GLIS1: variants seen among roughly 807,000 people sequenced by gnomAD.
The protein encoded by GLIS1 is GLIS family zinc finger 1, also known as zinc finger protein GLIS1.
In GLIS1, 24 loss-of-function variants were observed where a neutral mutation model predicts 63.8. That is an observed-to-expected ratio of 0.38 (90% CI 0.27 to 0.53). GLIS1 has a LOEUF of 0.53. Ranked by LOEUF, GLIS1 falls within the 20% of genes least tolerant of loss-of-function variation. The pLI is 0.85. For missense variants in GLIS1, 1,036 were observed against 1,074.1 expected, an observed-to-expected ratio of 0.96 and a Z score of 0.50; for synonymous variants, 450 against 482.5, an observed-to-expected ratio of 0.93 and a Z score of 0.88.
chr1:53,689,810 C>T (rs1340378002), intron 2 of GLIS1, among the ~76,000 whole-genome samples: 1 of 152,180 alleles, frequency 6.6e-6, no homozygotes, highest in Non-Finnish European at 1.5e-5. Context: ...CCATTACTGG[C>T]CCCTGCAGAT....
chr1:53,720,880 C>G (rs1327456593), intron 2 of GLIS1, among the ~76,000 whole-genome samples: 3 of 152,008 alleles, frequency 2.0e-5, no homozygotes, highest in Non-Finnish European at 2.9e-5. Context: ...AGTCTGTAGT[C>G]CCAGCTACCT....
intron 4 of GLIS1, among the ~76,000 whole-genome samples, chr1:53,569,195 C>A (rs1644961328): frequency 6.6e-6 from 1 of 152,170 alleles, no homozygotes; most frequent in Non-Finnish European, 1.5e-5. Context: ...AGCAGAAAAA[C>A]TATTGTGTGT....
At chr1:53,605,624 C>G (rs538199735) in intron 2 of GLIS1, among the ~76,000 whole-genome samples, 121 of 152,348 alleles carry the variant, frequency 7.9e-4, no homozygotes, top group African/African-American at 2.7e-3. Flanking sequence ...ACCTCCCCTA[C>G]GAGCCTGAGA....
chr1:53,590,978 C>A (rs3013758), intron 4 of GLIS1, among the ~76,000 whole-genome samples: 7,399 of 152,216 alleles, frequency 0.049, 563 homozygotes, highest in East Asian at 0.39. Flanking sequence ...GGGAGTGTTC[C>A]AGTGGGATGG....
At chr1:53,694,393 C>T (rs1461249810) in intron 2 of GLIS1, among the ~76,000 whole-genome samples, 1 of 152,236 alleles carries the variant, frequency 6.6e-6, no homozygotes, top group Non-Finnish European at 1.5e-5. Flanking sequence ...TCCTCACTCC[C>T]TTTCTGCGAG....
At position 53,553,711 on chromosome 1, in the gene GLIS1, C is replaced by T. The variant is rs983102892; in HGVS notation, c.1321-23759G>A. Among the ~76,000 whole-genome samples the T allele has an allele frequency of 2.0e-5, 3 of 151,936 alleles. No individual in the cohort carries two copies. In the East Asian group the frequency reaches 5.8e-4, roughly 29 times the overall value. Reference sequence around the variant, plus strand: ...CCTCTCTGAAGAGCTGGCATTCAAGCAGAGAAATCAAGGATTCTCATCCTT... The same window carrying T: ...CCTCTCTGAAGAGCTGGCATTCAAGTAGAGAAATCAAGGATTCTCATCCTT... On this transcript the variant is annotated intron_variant, in intron 4 of 10. Transcript: ENST00000628545.
intron 4 of GLIS1, among the ~76,000 whole-genome samples, chr1:53,567,146 G>T (rs1246401252): frequency 6.6e-6 from 1 of 152,242 alleles, no homozygotes; most frequent in African/African-American, 2.4e-5. Context: ...AGTCAAGGCT[G>T]AGATGGTCTC....
At chr1:53,600,069 A>C in intron 3 of GLIS1, 32 bp downstream of exon 3, 2 of 1,179,798 alleles carry the variant, frequency 1.7e-6, no homozygotes, top group Non-Finnish European at 2.1e-6. Context: ...GCCTCCTGGG[A>C]GTGTCCACAG....
intron 2 of GLIS1, among the ~76,000 whole-genome samples, chr1:53,612,163 T>A (rs1453211336): frequency 6.6e-6 from 1 of 152,224 alleles, no homozygotes. Flanking sequence ...CCACATCTGT[T>A]GGTTTCTTTA....
intron 4 of GLIS1, among the ~76,000 whole-genome samples, chr1:53,556,310 TGCA>T (rs1644825351): frequency 6.9e-6 from 1 of 145,298 alleles, no homozygotes; most frequent in African/African-American, 2.6e-5. Flanking sequence ...TGTGTGTGTG[TGCA>T]GGTGTACTGC....
chr1:53,569,694 T>C (rs2100461128), intron 4 of GLIS1, among the ~76,000 whole-genome samples: 1 of 151,726 alleles, frequency 6.6e-6, no homozygotes, highest in East Asian at 1.9e-4. Context: ...TATAGAAATA[T>C]CAAAAGAATC....
chr1:53,659,122 A>G (rs777172755), intron 2 of GLIS1, among the ~76,000 whole-genome samples: 5 of 152,156 alleles, frequency 3.3e-5, no homozygotes, highest in Non-Finnish European at 7.3e-5. Context: ...AATAGCCCAG[A>G]CCCTGAAGCC....
chr1:53,645,740 G>A (rs1174650507), intron 2 of GLIS1, among the ~76,000 whole-genome samples: 1 of 152,220 alleles, frequency 6.6e-6, no homozygotes, highest in Non-Finnish European at 1.5e-5. Flanking sequence ...GTACTCAAGA[G>A]GAAACACTGG....
At chr1:53,556,842 G>T (rs1293523403) in intron 4 of GLIS1, among the ~76,000 whole-genome samples, 1 of 148,620 alleles carries the variant, frequency 6.7e-6, no homozygotes, top group African/African-American at 2.5e-5. Flanking sequence ...ACTGCAGCAT[G>T]TGTGTGTGTG....
chr1:53,694,609 G>A (rs1646445030), intron 2 of GLIS1, among the ~76,000 whole-genome samples: 2 of 152,338 alleles, frequency 1.3e-5, no homozygotes, highest in South Asian at 4.1e-4. Context: ...GACACCGCTG[G>A]GGTCCCAGCT....
intron 2 of GLIS1, among the ~76,000 whole-genome samples, chr1:53,645,620 C>A (rs1645836305): frequency 6.6e-6 from 1 of 152,230 alleles, no homozygotes; most frequent in Non-Finnish European, 1.5e-5. Context: ...GAACCACAAC[C>A]CTTGGGGTAC....
At chr1:53,536,360 T>G (rs2100352538) in intron 4 of GLIS1, among the ~76,000 whole-genome samples, 1 of 152,188 alleles carries the variant, frequency 6.6e-6, no homozygotes, top group African/African-American at 2.4e-5. Context: ...GTTTTTCTTA[T>G]TTACCCCAAA....
At chr1:53,738,139 T>G in intron 1 of GLIS1, 33 bp from the exon 2 acceptor site, 1 of 1,179,608 alleles carries the variant, frequency 8.5e-7, no homozygotes, top group Non-Finnish European at 1.1e-6. Context: ...CCAGTTAGAA[T>G]GCGGAAAGCG....
chr1:53,648,263 C>A (rs1471301123), intron 2 of GLIS1, among the ~76,000 whole-genome samples: 1 of 152,122 alleles, frequency 6.6e-6, no homozygotes, highest in Non-Finnish European at 1.5e-5. Context: ...AAATGATGCT[C>A]AACATCATTA....
Sources: allele counts gnomAD v4.1 joint callset (sites outside exome capture counted in the v4.1 genomes callset), GRCh38; gene constraint gnomAD v4.1.1; transcripts MANE v1.5; gene names NCBI Gene and HGNC (gene_info 2026-07-23, HGNC 2026-07-21).